CEP63: variants seen among roughly 807,000 people sequenced by gnomAD.
CEP63 encodes centrosomal protein 63.
A neutral mutation model predicts 89.1 loss-of-function variants in CEP63; 84 were observed. The observed-to-expected ratio is 0.94, with a 90% confidence interval of 0.79 to 1.13. The LOEUF (loss-of-function observed/expected upper bound fraction) is 1.13, where lower values mean the gene tolerates loss of function less well. Among genes scored for constraint, CEP63 ranks in the 50% most tolerant of loss-of-function variants. CEP63 has a pLI of 0.00. For synonymous variants in CEP63, 267 were observed against 272.5 expected, an observed-to-expected ratio of 0.98 and a Z score of 0.20; for missense variants, 838 against 813.3, an observed-to-expected ratio of 1.03 and a Z score of -0.37.
chr3:134,776,528 G>A, the CEP63 span, among the ~76,000 whole-genome samples: 2 of 152,200 alleles, frequency 1.3e-5, no homozygotes, highest in African/African-American at 4.8e-5. Context: ...TGCATTGTGT[G>A]TGTGAACAGA....
At chr3:134,629,360 C>A in the CEP63 span, 1 of 460,304 alleles carries the variant, frequency 2.2e-6, no homozygotes, top group Non-Finnish European at 3.9e-6. Context: ...ACAGCAACAA[C>A]ACTCTTGTGA....
the CEP63 span, among the ~76,000 whole-genome samples, chr3:134,684,159 G>C: frequency 1.6e-4 from 24 of 152,300 alleles, no homozygotes; most frequent in African/African-American, 5.8e-4. Flanking sequence ...GTTGACTGAG[G>C]CTGTGAGGAA....
chr3:134,619,302 C>T, the CEP63 span: 3 of 1,531,630 alleles, frequency 2.0e-6, no homozygotes, highest in African/African-American at 2.7e-5. Context: ...AGAGCTTGAG[C>T]CTGGGAGGCG....
chr3:134,515,417 TTTAA>T (rs1198080480), intron 3 of CEP63, among the ~76,000 whole-genome samples: 138 of 152,348 alleles, frequency 9.1e-4, no homozygotes, highest in African/African-American at 3.1e-3. Flanking sequence ...GCAATTATTA[TTTAA>T]TGTTTATAGA....
intron 2 of CEP63, among the ~76,000 whole-genome samples, chr3:134,498,149 A>G (rs1940773252): frequency 6.6e-6 from 1 of 152,180 alleles, no homozygotes; most frequent in African/African-American, 2.4e-5. Context: ...ATCTGTGGAT[A>G]GATTTGGATA....
chr3:134,629,343 A>G, the CEP63 span: 2 of 422,574 alleles, frequency 4.7e-6, no homozygotes, highest in East Asian at 3.7e-5. Flanking sequence ...AATGGTATCT[A>G]AAAGCAACAG....
chr3:134,491,092 T>C (rs1291657996), intron 1 of CEP63, among the ~76,000 whole-genome samples: 1 of 152,230 alleles, frequency 6.6e-6, no homozygotes, highest in Non-Finnish European at 1.5e-5. Context: ...TTCTTAAAAG[T>C]AGCGTTGTTG....
At chr3:134,515,944 G>A (rs556879171) in intron 3 of CEP63, among the ~76,000 whole-genome samples, 15 of 152,326 alleles carry the variant, frequency 9.8e-5, no homozygotes, top group Non-Finnish European at 2.2e-4. Context: ...TTGTTTGAAG[G>A]GGTGGGTTGC....
At chr3:134,640,846 A>G in the CEP63 span, among the ~76,000 whole-genome samples, 1 of 152,106 alleles carries the variant, frequency 6.6e-6, no homozygotes, top group African/African-American at 2.4e-5. Context: ...GATTATCACA[A>G]TGCCTCTTAA....
the CEP63 span, among the ~76,000 whole-genome samples, chr3:134,766,074 A>T: frequency 6.6e-6 from 1 of 152,222 alleles, no homozygotes; most frequent in East Asian, 1.9e-4. Context: ...AAACTCAATC[A>T]ACTTGTGTGG....
At chr3:134,592,469 GGTGTGTGTGTGTGTGTGT>G (rs34973626), downstream of CEP63, among the ~76,000 whole-genome samples, 3 of 125,200 alleles carry the variant, frequency 2.4e-5, no homozygotes, top group Admixed American at 8.5e-5. Flanking sequence ...TCTGCAAACT[GGTGTGTGTGTGTGTGTGT>G]GTGTGTGTGT....
intron 2 of CEP63, among the ~76,000 whole-genome samples, chr3:134,504,766 C>T (rs115226735): frequency 6.6e-6 from 1 of 152,122 alleles, no homozygotes; most frequent in African/African-American, 2.4e-5. Context: ...TATGGTCTCC[C>T]ATATGCCATG....
At chr3:134,539,766 CCTT>C (rs1951617488) in intron 6 of CEP63, among the ~76,000 whole-genome samples, 1 of 152,030 alleles carries the variant, frequency 6.6e-6, no homozygotes, top group Non-Finnish European at 1.5e-5. Flanking sequence ...AACAACTTCT[CCTT>C]CTTTGACATA....
At chr3:134,616,742 A>G in the CEP63 span, among the ~76,000 whole-genome samples, 1 of 152,242 alleles carries the variant, frequency 6.6e-6, no homozygotes, top group Non-Finnish European at 1.5e-5. Flanking sequence ...ACTCAAGGCA[A>G]GTGTCAATTT....
the CEP63 span, among the ~76,000 whole-genome samples, chr3:134,692,440 A>T: frequency 6.6e-6 from 1 of 151,050 alleles, no homozygotes; most frequent in African/African-American, 2.4e-5. Context: ...AAGGATATGA[A>T]CTCATCCTTT....
chr3:134,663,903 T>C, the CEP63 span, among the ~76,000 whole-genome samples: 1 of 152,180 alleles, frequency 6.6e-6, no homozygotes, highest in Non-Finnish European at 1.5e-5. Context: ...CTTCTCCCAC[T>C]GCATCCTGCC....
the CEP63 span, among the ~76,000 whole-genome samples, chr3:134,684,205 C>G: frequency 1.3e-5 from 2 of 152,274 alleles, no homozygotes; most frequent in South Asian, 4.1e-4. Context: ...GGATAAAGAA[C>G]TTTTCCCTGA....
At chr3:134,668,545 A>G in the CEP63 span, among the ~76,000 whole-genome samples, 4 of 152,300 alleles carry the variant, frequency 2.6e-5, no homozygotes, top group East Asian at 7.7e-4. Flanking sequence ...AGGTGGCATT[A>G]TAAAGTAATC....
chr3:134,652,112 C>T, the CEP63 span, among the ~76,000 whole-genome samples: 1 of 152,158 alleles, frequency 6.6e-6, no homozygotes, highest in African/African-American at 2.4e-5. Context: ...CCAGCTCCAT[C>T]ACTTCCTGGC....
Sources: gnomAD v4.1 joint callset for allele counts (sites outside exome capture counted in the v4.1 genomes callset) on GRCh38, gnomAD v4.1.1 for gene constraint, MANE v1.5 for transcripts, NCBI Gene and HGNC (gene_info 2026-07-23, HGNC 2026-07-21) for gene names.